The following TATDN1 variants were observed in gnomAD, a reference collection of about 807,000 sequenced individuals.
TATDN1 encodes the protein deoxyribonuclease TATDN1.
In TATDN1, 40 loss-of-function variants were observed where a neutral mutation model predicts 46.4. The observed-to-expected ratio is 0.86, with a 90% CI of 0.67 to 1.12. The LOEUF (loss-of-function observed/expected upper bound fraction) is 1.12. Among genes scored for constraint, TATDN1 ranks in the 50% most tolerant of loss-of-function variants. The pLI is 0.00. For missense variants in TATDN1, 326 were observed against 348.4 expected (o/e 0.94, Z 0.51); for synonymous variants, 95 against 105.6 (o/e 0.90, Z 0.62).
intron 9 of TATDN1, among the ~76,000 whole-genome samples, chr8:124,502,752 T>C (rs2131390364): frequency 6.6e-6 from 1 of 152,370 alleles, no homozygotes. Context: ...CTTTTTGTTT[T>C]CCTGGATTAA....
chr8:124,491,257 C>T (rs1476780436), intron 11 of TATDN1: 7 of 152,182 alleles, frequency 4.6e-5, no homozygotes, highest in Non-Finnish European at 1.0e-4. Context: ...TATAAGAGCC[C>T]TCACAATCTG....
intron 3 of TATDN1, among the ~76,000 whole-genome samples, chr8:124,520,063 T>C (rs1819890825): frequency 6.6e-6 from 1 of 152,226 alleles, no homozygotes; most frequent in Non-Finnish European, 1.5e-5. Context: ...CATATAGCTA[T>C]TTAAATCTTT....
intron 11 of TATDN1, among the ~76,000 whole-genome samples, chr8:124,490,496 C>CGAGA (rs1816884371): frequency 6.6e-6 from 1 of 151,360 alleles, no homozygotes. Context: ...GGCAACAGAG[C>CGAGA]GAGACTCTCT....
At chr8:124,504,393 T>C in intron 8 of TATDN1, 46 bp from the exon 9 acceptor site, 1 of 1,343,272 alleles carries the variant, frequency 7.4e-7, no homozygotes, top group Non-Finnish European at 1.0e-6. Context: ...AATTACTCTT[T>C]AAAATTCTAA....
chr8:124,533,984 A>G (rs1821199871), intron 1 of TATDN1, among the ~76,000 whole-genome samples: 3 of 151,846 alleles, frequency 2.0e-5, no homozygotes, highest in African/African-American at 7.2e-5. Context: ...GTCTCTACTA[A>G]AAATACAAAA....
intron 1 of TATDN1, among the ~76,000 whole-genome samples, chr8:124,530,550 A>C (rs1055091476): frequency 6.6e-6 from 1 of 152,178 alleles, no homozygotes; most frequent in Non-Finnish European, 1.5e-5. Flanking sequence ...CAAGGGAAAA[A>C]CCATAAATCC....
chr8:124,525,192 C>CTACA (rs1486833986), intron 1 of TATDN1, among the ~76,000 whole-genome samples: 1 of 152,110 alleles, frequency 6.6e-6, no homozygotes, highest in African/African-American at 2.4e-5. Flanking sequence ...ATCGCCCAGG[C>CTACA]TACAGTGCAG....
intron 1 of TATDN1, among the ~76,000 whole-genome samples, chr8:124,533,470 G>A (rs1350674419): frequency 6.6e-6 from 1 of 151,898 alleles, no homozygotes; most frequent in Non-Finnish European, 1.5e-5. Context: ...GGCCTGAGGG[G>A]GTGGCAACTG....
chr8:124,530,128 C>T (rs777822328), intron 1 of TATDN1, among the ~76,000 whole-genome samples: 32 of 151,658 alleles, frequency 2.1e-4, no homozygotes, highest in Admixed American at 7.9e-4. Context: ...ACAACAACAA[C>T]AAAGAAGGTC....
chr8:124,537,095 C>T, intron 1 of TATDN1, among the ~76,000 whole-genome samples: 1 of 152,062 alleles, frequency 6.6e-6, no homozygotes, highest in East Asian at 1.9e-4. Context: ...GAAGTCTTTT[C>T]TTGCTTATTT....
chr8:124,523,844 G>C (rs1309762161), intron 1 of TATDN1, among the ~76,000 whole-genome samples: 1 of 152,128 alleles, frequency 6.6e-6, no homozygotes, highest in Admixed American at 6.6e-5. Context: ...ACCAGACTCA[G>C]TTATGGTACA....
At position 124,518,933 on chromosome 8, in the gene TATDN1, A is replaced by G. The variant is rs547411508; in HGVS notation, c.139-52T>C. On this transcript the variant is annotated intron_variant, in intron 3 of 11. Transcript: ENST00000276692. The stretch of plus-strand genomic sequence containing the variant: ...CTGACTTTAATAGGGCAGCAATAAC[A>G]GTTTCCTAAACATGCCTTCCTACCA... 155 of 1,240,312 alleles carry G rather than the reference A, an allele frequency of 1.2e-4. 1 individual carries two copies. The South Asian group carries it at 1.9e-3, about 15-fold the overall frequency. The allele number at this position is 1,240,312 out of a possible 1,614,324, so 76.8% of individuals were successfully genotyped here.
At chr8:124,489,036 G>C (rs934089316) in intron 11 of TATDN1, 9 of 270,564 alleles carry the variant, frequency 3.3e-5, no homozygotes, top group Non-Finnish European at 4.9e-5. Context: ...AGTGGGTCAT[G>C]ATGAGCATTT....
intron 1 of TATDN1, among the ~76,000 whole-genome samples, chr8:124,534,578 A>G (rs542144182): frequency 1.4e-4 from 21 of 152,198 alleles, no homozygotes; most frequent in Non-Finnish European, 2.5e-4. Context: ...TTGGCCTCCC[A>G]AAGTGCTTGG....
intron 11 of TATDN1, among the ~76,000 whole-genome samples, chr8:124,492,323 T>C (rs915395030): frequency 2.0e-5 from 3 of 152,184 alleles, no homozygotes; most frequent in South Asian, 2.1e-4. Context: ...CCTTGAAATT[T>C]TGTCTTGCAA....
chr8:124,524,861 A>G (rs1291672919), intron 1 of TATDN1, among the ~76,000 whole-genome samples: 1 of 152,150 alleles, frequency 6.6e-6, no homozygotes, highest in East Asian at 1.9e-4. Context: ...TTTTTGCTGA[A>G]GGCAGGCCAG....
chr8:124,528,242 C>T (rs959580443), intron 1 of TATDN1, among the ~76,000 whole-genome samples: 13 of 151,970 alleles, frequency 8.6e-5, no homozygotes, highest in Non-Finnish European at 7.4e-5. Context: ...GGTGCCATCT[C>T]GGCTCACTGC....
intron 3 of TATDN1, among the ~76,000 whole-genome samples, chr8:124,520,896 T>C (rs1819981731): frequency 7.3e-6 from 1 of 137,408 alleles, no homozygotes; most frequent in Non-Finnish European, 1.5e-5. Flanking sequence ...TGAGCCGAGA[T>C]CATGCCACTG....
intron 9 of TATDN1, among the ~76,000 whole-genome samples, chr8:124,501,823 C>A (rs1047174968): frequency 6.6e-6 from 1 of 151,986 alleles, no homozygotes; most frequent in Non-Finnish European, 1.5e-5. Flanking sequence ...AAAAGCAACA[C>A]CAGGCGTGAT....
Sources: gnomAD v4.1 joint callset for allele counts (sites outside exome capture counted in the v4.1 genomes callset) on GRCh38, gnomAD v4.1.1 for gene constraint, MANE v1.5 for transcripts, NCBI Gene and HGNC (gene_info 2026-07-23, HGNC 2026-07-21) for gene names.